Variants in CLASP1 observed in about 807,000 individuals in gnomAD.
CLASP1 encodes CLIP-associating protein 1.
CLASP1 carries 38 observed loss-of-function variants against 192.3 expected under a neutral mutation model. That is an observed-to-expected ratio of 0.20 (90% CI 0.15 to 0.26). The LOEUF is 0.26. CLASP1 is among the 10% of genes least tolerant of loss of function. CLASP1 has a pLI of 1.00. For synonymous variants in CLASP1, 691 were observed against 712.8 expected, an observed-to-expected ratio of 0.97 and a Z score of 0.49; for missense variants, 1,433 against 1,932.5, an observed-to-expected ratio of 0.74 and a Z score of 4.85.
chr2:121,648,461 C>G lies in CLASP1; in HGVS notation c.-286+911G>C, dbSNP rs541468708. ...ACACAGAAACTCACCCAGCTGCAAA[C>G]TCAGCTGCAAACTCACCACAGCGTG... On this transcript the variant is annotated intron_variant, in intron 1 of 39. Transcript: ENST00000263710. 3.9e-5 allele frequency among the ~76,000 whole-genome samples: 6 copies of G among 152,330 alleles called. No individual in the cohort carries two copies. In the South Asian group the frequency reaches 1.2e-3, roughly 32 times the overall value.
In CLASP1 at chr2:121,492,389, C is replaced by CAA. The variant is rs761378692; in HGVS notation, c.712+10776_712+10777dup. The stretch of plus-strand genomic sequence containing the variant: ...GGGCGACAGAGCGAGACTCCCTCTC[C>CAA]AAAAAAAAAAAAAAAAAAAAAAAAA... On this transcript the variant is annotated intron_variant, in intron 8 of 39. Coordinates refer to ENST00000263710, the Ensembl canonical transcript of CLASP1. Among the ~76,000 whole-genome samples, 229 of 37,544 alleles carry CAA rather than the reference C, an allele frequency of 6.1e-3. 1 individual carries two copies. The highest frequency in any genetic ancestry group is 9.4e-3 in the African/African-American group (78 of 8,338). The allele number at this position is 37,544 out of a possible 152,430, so 24.6% of individuals were successfully genotyped here.
chr2:121,569,991 A>G (rs2059844670), intron 2 of CLASP1, among the ~76,000 whole-genome samples: 1 of 152,228 alleles, frequency 6.6e-6, no homozygotes, highest in Admixed American at 6.5e-5. Context: ...TGTAACTTTG[A>G]GCAAATTAAT....
At chr2:121,512,891 G>A (rs1441669469) in intron 7 of CLASP1, 2 of 151,692 alleles carry the variant, frequency 1.3e-5, no homozygotes, top group Non-Finnish European at 2.9e-5. Flanking sequence ...TTTTAATTTA[G>A]AACTAAATCC....
Position 121,347,028 on chromosome 2 carries a change from C to G in CLASP1, c.4530+10G>C, listed in dbSNP as rs746780728. On this transcript the variant is annotated intron_variant, in intron 39 of 39. Transcript: ENST00000263710. ...GGTGTGCGTATCAGCCCAGGTAACA[C>G]TATACATACCTTGCTCCCTGTGAGC... The G allele has an allele frequency of 6.5e-7, 1 of 1,530,404 alleles. No individual in the cohort carries two copies. The highest frequency in any genetic ancestry group is 1.2e-5 in the South Asian group (1 of 83,832). The allele number at this position is 1,530,404 out of a possible 1,614,324, so 94.8% of individuals were successfully genotyped here. A position where few individuals can be genotyped will look rare whatever the true frequency, so the allele number is the denominator to read the frequency against.
chr2:121,507,453 C>T (rs1487831946), intron 7 of CLASP1, among the ~76,000 whole-genome samples: 1 of 152,102 alleles, frequency 6.6e-6, no homozygotes, highest in Non-Finnish European at 1.5e-5. Context: ...TCTTACAAAA[C>T]CAATGTACCA....
intron 1 of CLASP1, among the ~76,000 whole-genome samples, chr2:121,642,592 C>CGTG (rs1243498662): frequency 6.8e-6 from 1 of 148,022 alleles, no homozygotes; most frequent in Non-Finnish European, 1.5e-5. Context: ...ATGAGCCGGG[C>CGTG]GTGGTGGCGC....
intron 34 of CLASP1, among the ~76,000 whole-genome samples, chr2:121,370,395 G>A (rs947739994): frequency 1.3e-5 from 2 of 151,984 alleles, no homozygotes; most frequent in Non-Finnish European, 2.9e-5. Context: ...GTGCAATCTC[G>A]GCTCACTGCA....
chr2:121,624,246 TTTC>T (rs1330189306), intron 1 of CLASP1, among the ~76,000 whole-genome samples: 6 of 152,208 alleles, frequency 3.9e-5, no homozygotes, highest in African/African-American at 7.2e-5. Flanking sequence ...ATTTGACATC[TTTC>T]TTCTTTTTTT....
At chr2:121,363,096 G>C in intron 37 of CLASP1, 76 bp downstream of exon 38, 2 of 1,573,632 alleles carry the variant, frequency 1.3e-6, no homozygotes, top group Non-Finnish European at 1.7e-6. Context: ...CACTGATTCT[G>C]ATTCCTCTAT....
intron 39 of CLASP1, among the ~76,000 whole-genome samples, chr2:121,345,627 T>C (rs971324685): frequency 6.6e-6 from 1 of 152,186 alleles, no homozygotes; most frequent in African/African-American, 2.4e-5. Flanking sequence ...GAAGGGGATC[T>C]GATGAGGAGC....
At chr2:121,514,790 C>T (rs1328129214) in intron 7 of CLASP1, among the ~76,000 whole-genome samples, 15 of 152,182 alleles carry the variant, frequency 9.9e-5, no homozygotes, top group Non-Finnish European at 1.9e-4. Flanking sequence ...GCCCAGTATG[C>T]CATAAACTCT....
intron 36 of CLASP1, chr2:121,364,065 A>G (rs1258663195): frequency 1.3e-5 from 2 of 152,232 alleles, no homozygotes; most frequent in South Asian, 2.1e-4. Context: ...GTTTTTTTTA[A>G]AAGTATTTTT....
At chr2:121,568,652 G>C (rs957038025) in intron 2 of CLASP1, among the ~76,000 whole-genome samples, 1 of 151,492 alleles carries the variant, frequency 6.6e-6, no homozygotes, top group Non-Finnish European at 1.5e-5. Context: ...CTCCTAAAAT[G>C]TACTAGATAT....
At chr2:121,564,129 G>A (rs1290059365) in intron 2 of CLASP1, among the ~76,000 whole-genome samples, 1 of 152,160 alleles carries the variant, frequency 6.6e-6, no homozygotes, top group African/African-American at 2.4e-5. Context: ...TATGAGATAA[G>A]ATTTGGGTGG....
At chr2:121,578,299 G>A (rs1221233824) in intron 2 of CLASP1, among the ~76,000 whole-genome samples, 2 of 151,954 alleles carry the variant, frequency 1.3e-5, no homozygotes, top group African/African-American at 4.8e-5. Context: ...CTGCATGCCT[G>A]CAGTCCCAGC....
chr2:121,502,376 C>A (rs570760933), intron 8 of CLASP1, among the ~76,000 whole-genome samples: 3 of 152,242 alleles, frequency 2.0e-5, no homozygotes, highest in Admixed American at 1.3e-4. Context: ...AGGGTGAGGG[C>A]ACAGAGCGTT....
intron 2 of CLASP1, 157 bp from the exon 3 acceptor site, chr2:121,530,482 G>A (rs2094747252): frequency 1.7e-6 from 1 of 603,826 alleles, no homozygotes; most frequent in East Asian, 2.8e-5. Flanking sequence ...GCACGAAGAA[G>A]GATGATCTTC....
At chr2:121,564,912 A>C (rs749322756) in intron 2 of CLASP1, among the ~76,000 whole-genome samples, 7 of 152,188 alleles carry the variant, frequency 4.6e-5, no homozygotes, top group Non-Finnish European at 8.8e-5. Flanking sequence ...ATGGGGCAAG[A>C]AGCACTGGGA....
intron 2 of CLASP1, among the ~76,000 whole-genome samples, chr2:121,592,593 G>A (rs72830823): frequency 0.062 from 9,425 of 152,162 alleles, 410 homozygotes; most frequent in Non-Finnish European, 0.099. Flanking sequence ...AATGAAGAAG[G>A]AATGGTGAAC....
Sources: gnomAD v4.1 joint callset for allele counts (sites outside exome capture counted in the v4.1 genomes callset) on GRCh38, gnomAD v4.1.1 for gene constraint, MANE v1.5 for transcripts, NCBI Gene and HGNC (gene_info 2026-07-23, HGNC 2026-07-21) for gene names.